Variants in GLRA3 observed in about 807,000 individuals in gnomAD.
GLRA3 encodes the protein glycine receptor alpha 3.
A neutral mutation model predicts 60.4 loss-of-function variants in GLRA3; 44 were observed. The ratio of observed to expected loss-of-function variants is 0.73; its 90% CI spans 0.57 to 0.94. The LOEUF (loss-of-function observed/expected upper bound fraction) is 0.94. Ranked by LOEUF, GLRA3 falls within the 40% of genes least tolerant of loss-of-function variation. The pLI, the probability that GLRA3 is intolerant of heterozygous loss-of-function variation, is 0.00. For synonymous variants in GLRA3, 223 were observed against 192.9 expected, an observed-to-expected ratio of 1.16 and a Z score of -1.29; for missense variants, 508 against 564.6, an observed-to-expected ratio of 0.90 and a Z score of 1.02.
chr4:174,728,455 A>C lies in GLRA3; in HGVS notation c.491+20T>G, dbSNP rs1201672962. 7.6e-7 allele frequency: 1 copy of C among 1,309,014 alleles called. No individual in the cohort carries two copies. Among genetic ancestry groups the C allele is most frequent in the East Asian group, 2.3e-5 (1 of 43,320 alleles). The allele number at this position is 1,309,014 out of a possible 1,614,324, so 81.1% of individuals were successfully genotyped here. ...GATATTCTATTTCACTGAAATCGGC[A>C]ATTTAAGTCCACGACTCACCTTATT... On this transcript the variant is annotated intron_variant, in intron 4 of 9. Transcript: ENST00000274093.
rs186826664 is a variant in GLRA3 at position 174,666,408 on chromosome 4, T to C, written c.928-7211A>G. Among the ~76,000 whole-genome samples, 919 of 152,022 alleles carry C rather than the reference T, an allele frequency of 6.0e-3. 14 individuals are homozygous for C. The highest frequency in any genetic ancestry group is 8.5e-3 in the Non-Finnish European group (579 of 67,960). ...CTATTAAGATAAGAGAAATATTTTA[T>C]CCTACAAAATACCATGTATGTCCCC... On this transcript the variant is annotated intron_variant, in intron 7 of 9. Transcript: ENST00000274093.
At chr4:174,791,812 C>T (rs914790918) in intron 1 of GLRA3, among the ~76,000 whole-genome samples, 5 of 152,160 alleles carry the variant, frequency 3.3e-5, no homozygotes, top group South Asian at 2.1e-4. Flanking sequence ...TATACTGTGG[C>T]GACTATGGAA....
rs989683566 is a variant in GLRA3, at chr4:174,764,214, A to AC, written c.267+2748dup. Among the ~76,000 whole-genome samples, 45 of 151,426 alleles carry AC rather than the reference A, an allele frequency of 3.0e-4. 1 individual carries two copies. The highest frequency in any genetic ancestry group is 7.4e-5 in the Non-Finnish European group (5 of 67,974). On this transcript the variant is annotated intron_variant, in intron 3 of 9. Coordinates refer to ENST00000274093, the MANE Select transcript of GLRA3 (RefSeq NM_006529.4). ...TAACAAAAAGTGGCCTAAAAAGTAG[A>AC]CTAATAGAGAAATTTTCCCAAGGAT...
intron 2 of GLRA3, among the ~76,000 whole-genome samples, chr4:174,778,789 G>C (rs1738722553): frequency 6.6e-6 from 1 of 152,364 alleles, no homozygotes; most frequent in Non-Finnish European, 1.5e-5. Flanking sequence ...CGCACCACGA[G>C]GTTATACCCC....
chr4:174,770,535 G>A (rs142505237), intron 2 of GLRA3, among the ~76,000 whole-genome samples: 68 of 152,052 alleles, frequency 4.5e-4, no homozygotes, highest in African/African-American at 1.4e-3. Context: ...TTATAAATTC[G>A]GTGAACACTG....
chr4:174,691,407 C>G (rs1285702311), intron 5 of GLRA3, among the ~76,000 whole-genome samples: 1 of 152,094 alleles, frequency 6.6e-6, no homozygotes, highest in Non-Finnish European at 1.5e-5. Context: ...GTCTCCCTCT[C>G]CCTCTCTTTC....
chr4:174,811,217 CAG>C (rs1740261051), intron 1 of GLRA3, among the ~76,000 whole-genome samples: 2 of 135,178 alleles, frequency 1.5e-5, no homozygotes, highest in Non-Finnish European at 3.1e-5. Flanking sequence ...GAAAAATAAA[CAG>C]GGAATTTGCT....
intron 4 of GLRA3, among the ~76,000 whole-genome samples, chr4:174,723,689 C>T (rs1000867355): frequency 3.3e-5 from 5 of 151,804 alleles, no homozygotes; most frequent in African/African-American, 9.7e-5. Context: ...AAAATGACAC[C>T]TTTTACAAAA....
At chr4:174,767,060 T>C in intron 2 of GLRA3, 30 bp from the exon 3 acceptor site, 2 of 1,200,484 alleles carry the variant, frequency 1.7e-6, no homozygotes, top group South Asian at 1.3e-5. Context: ...ATAAGGGCTG[T>C]TTAGAGACTT....
At chr4:174,672,503 A>T (rs4695782) in intron 7 of GLRA3, among the ~76,000 whole-genome samples, 52,369 of 151,764 alleles carry the variant, frequency 0.35, 9,226 homozygotes, top group African/African-American at 0.4. Context: ...CTGTGTGCCA[A>T]TTCTGAGCAC....
intron 3 of GLRA3, among the ~76,000 whole-genome samples, chr4:174,756,752 C>G (rs1326101805): frequency 6.6e-6 from 1 of 151,282 alleles, no homozygotes; most frequent in Non-Finnish European, 1.5e-5. Context: ...TCACGCCATT[C>G]TCCTGCCTCA....
At chr4:174,660,561 TA>T (rs1410385571) in intron 7 of GLRA3, among the ~76,000 whole-genome samples, 2 of 152,230 alleles carry the variant, frequency 1.3e-5, no homozygotes, top group Non-Finnish European at 2.9e-5. Flanking sequence ...TGCTCTATTA[TA>T]AAATTGCTAA....
At chr4:174,710,327 C>T (rs1459292359) in intron 5 of GLRA3, among the ~76,000 whole-genome samples, 1 of 151,978 alleles carries the variant, frequency 6.6e-6, no homozygotes, top group East Asian at 1.9e-4. Flanking sequence ...TTTAGTTGAA[C>T]AAAAATTTTC....
At chr4:174,750,475 T>G (rs1162359230) in intron 3 of GLRA3, among the ~76,000 whole-genome samples, 1 of 152,078 alleles carries the variant, frequency 6.6e-6, no homozygotes, top group Non-Finnish European at 1.5e-5. Context: ...TTTAATTCTC[T>G]TTTCCCAGCT....
At chr4:174,651,710 C>T (rs920719431) in intron 9 of GLRA3, among the ~76,000 whole-genome samples, 1 of 152,120 alleles carries the variant, frequency 6.6e-6, no homozygotes, top group East Asian at 1.9e-4. Context: ...ATCATTCACC[C>T]CTCAAGTCCT....
chr4:174,671,055 G>C (rs2110931958), intron 7 of GLRA3, among the ~76,000 whole-genome samples: 1 of 151,542 alleles, frequency 6.6e-6, no homozygotes, highest in South Asian at 2.1e-4. Context: ...TAGCTAGTAT[G>C]ATCCATGAAC....
At chr4:174,737,087 T>A (rs1561086656) in intron 3 of GLRA3, among the ~76,000 whole-genome samples, 1 of 152,152 alleles carries the variant, frequency 6.6e-6, no homozygotes, top group East Asian at 1.9e-4. Context: ...CACTAATCAG[T>A]GTTTTTTTTA....
At chr4:174,750,082 G>T (rs1311681225) in intron 3 of GLRA3, among the ~76,000 whole-genome samples, 1 of 150,902 alleles carries the variant, frequency 6.6e-6, no homozygotes, top group Non-Finnish European at 1.5e-5. Context: ...ATCTCTGAAA[G>T]CAGCTAGAAA....
chr4:174,733,794 C>T (rs1425413317), intron 3 of GLRA3, among the ~76,000 whole-genome samples: 1 of 152,146 alleles, frequency 6.6e-6, no homozygotes, highest in African/African-American at 2.4e-5. Flanking sequence ...GATGCTGTGC[C>T]TCTTGTCTCT....
Sources: gnomAD v4.1 joint callset for allele counts (sites outside exome capture counted in the v4.1 genomes callset) on GRCh38, gnomAD v4.1.1 for gene constraint, MANE v1.5 for transcripts, NCBI Gene and HGNC (gene_info 2026-07-23, HGNC 2026-07-21) for gene names.